HOMER1: variants seen among roughly 807,000 people sequenced by gnomAD.
HOMER1 encodes the protein homer protein homolog 1.
In HOMER1, 3 loss-of-function variants were observed where a neutral mutation model predicts 48.9. The observed-to-expected ratio is 0.06, with a 90% CI of 0.03 to 0.16. The LOEUF (loss-of-function observed/expected upper bound fraction) is 0.16. HOMER1 is among the 10% of genes least tolerant of loss of function. The pLI, the probability that HOMER1 is intolerant of heterozygous loss-of-function variation, is 1.00. For missense variants in HOMER1, 247 were observed against 411.4 expected, an observed-to-expected ratio of 0.60 and a Z score of 3.46; for synonymous variants, 134 against 146.4, an observed-to-expected ratio of 0.92 and a Z score of 0.61.
intron 5 of HOMER1, among the ~76,000 whole-genome samples, chr5:79,417,350 G>T (rs1002027612): frequency 1.3e-5 from 2 of 152,124 alleles, no homozygotes; most frequent in South Asian, 4.1e-4. Flanking sequence ...CACCGTGTTA[G>T]CCAGGATGGT....
At chr5:79,404,780 T>A (rs1749620226) in intron 5 of HOMER1, among the ~76,000 whole-genome samples, 1 of 152,132 alleles carries the variant, frequency 6.6e-6, no homozygotes, top group Admixed American at 6.5e-5. Context: ...TCTCAGCTCA[T>A]GCAACCTCCG....
chr5:79,380,995 C>T (rs1268500538), intron 8 of HOMER1, among the ~76,000 whole-genome samples: 1 of 152,198 alleles, frequency 6.6e-6, no homozygotes, highest in Non-Finnish European at 1.5e-5. Flanking sequence ...AACCCACCCA[C>T]CCTTGCACTG....
chr5:79,495,135 A>T (rs141130784), intron 1 of HOMER1, among the ~76,000 whole-genome samples: 2 of 152,356 alleles, frequency 1.3e-5, no homozygotes, highest in East Asian at 3.9e-4. Flanking sequence ...GATGTTCAAA[A>T]TCTTTGATAT....
chr5:79,485,813 A>G (rs1226516005), intron 1 of HOMER1, among the ~76,000 whole-genome samples: 1 of 152,204 alleles, frequency 6.6e-6, no homozygotes, highest in African/African-American at 2.4e-5. Flanking sequence ...GGCAAAGTAC[A>G]TTCCCCAAAG....
At chr5:79,448,244 C>G (rs1203473577) in intron 3 of HOMER1, among the ~76,000 whole-genome samples, 1 of 152,116 alleles carries the variant, frequency 6.6e-6, no homozygotes, top group Non-Finnish European at 1.5e-5. Flanking sequence ...TACGAAGCTA[C>G]AAGGGTCTCA....
chr5:79,503,742 A>G (rs1283804377), intron 1 of HOMER1, among the ~76,000 whole-genome samples: 3 of 150,828 alleles, frequency 2.0e-5, no homozygotes, highest in Non-Finnish European at 3.0e-5. Flanking sequence ...AAAAAAAAAG[A>G]AAGAAGAAAA....
chr5:79,490,871 C>T (rs1271092069), intron 1 of HOMER1, among the ~76,000 whole-genome samples: 1 of 151,206 alleles, frequency 6.6e-6, no homozygotes, highest in Non-Finnish European at 1.5e-5. Context: ...AGAAGAATCC[C>T]TTGAGCCCAG....
chr5:79,457,761 T>C (rs1751212569), intron 1 of HOMER1, among the ~76,000 whole-genome samples: 1 of 152,186 alleles, frequency 6.6e-6, no homozygotes, highest in African/African-American at 2.4e-5. Context: ...ACACAGTATT[T>C]TTCCCTAAGA....
At chr5:79,505,936 C>G (rs1042330379) in intron 1 of HOMER1, among the ~76,000 whole-genome samples, 1 of 152,006 alleles carries the variant, frequency 6.6e-6, no homozygotes, top group Non-Finnish European at 1.5e-5. Context: ...ACGCAAGAGC[C>G]ATACTGGCTT....
At chr5:79,438,986 A>G in intron 5 of HOMER1, 24 bp downstream of exon 5, 4 of 1,605,468 alleles carry the variant, frequency 2.5e-6, no homozygotes, top group South Asian at 1.1e-5. Context: ...TTACTTAATC[A>G]TAATTGCTGA....
intron 1 of HOMER1, among the ~76,000 whole-genome samples, chr5:79,509,151 A>G (rs763706401): frequency 9.8e-5 from 15 of 152,332 alleles, no homozygotes; most frequent in Middle Eastern, 3.4e-3. Context: ...TTTGGGCTGC[A>G]ATGTAGCAGC....
intron 6 of HOMER1, among the ~76,000 whole-genome samples, chr5:79,399,336 G>C (rs1749475095): frequency 6.6e-6 from 1 of 152,198 alleles, no homozygotes; most frequent in South Asian, 2.1e-4. Context: ...AGAAGCCTGA[G>C]AATTTTAGGA....
In HOMER1 at chr5:79,432,842, G is replaced by GC. The variant is rs1750461589; in HGVS notation, c.527+6167_527+6168insG. On this transcript the variant is annotated intron_variant, in intron 5 of 8. Transcript: ENST00000334082. The stretch of plus-strand genomic sequence containing the variant: ...TAAAATACTATTGTTCACAATTATA[G>GC]TAAAAAAATTCTGACATCTCTAAAT... 3.6e-5 allele frequency among the ~76,000 whole-genome samples: 5 copies of GC among 139,520 alleles called. No homozygotes were observed. In the East Asian group the frequency reaches 5.9e-4, roughly 16 times the overall value. The allele number at this position is 139,520 out of a possible 152,430, so 91.5% of individuals were successfully genotyped here.
At chr5:79,456,831 A>T in intron 2 of HOMER1, 31 bp downstream of exon 2, 1 of 1,597,310 alleles carries the variant, frequency 6.3e-7, no homozygotes, top group South Asian at 1.1e-5. Context: ...AAGCAAAACC[A>T]GCCAAATCAT....
At position 79,374,304 on chromosome 5, in the gene HOMER1, A is replaced by T. The variant is rs190688357; in HGVS notation, c.*1705T>A. The T allele has an allele frequency of 1.5e-4, 23 of 152,568 alleles. No homozygotes were observed. The highest frequency in any genetic ancestry group is 1.4e-3 in the Admixed American group (22 of 15,290). 9.5% of individuals were successfully genotyped at this position (152,568 alleles called of 1,614,324 possible). ...GAGGTAACGTACATGATGTTACAGC[A>T]CATATAATACATGATTGTTATAAAT... is the stretch of plus-strand genomic sequence containing the variant. On this transcript the variant is annotated 3_prime_UTR_variant, in exon 9 of 9. Coordinates refer to ENST00000334082, the MANE Select transcript of HOMER1 (RefSeq NM_004272.5).
At chr5:79,476,899 G>C (rs546933311) in intron 1 of HOMER1, among the ~76,000 whole-genome samples, 1 of 152,158 alleles carries the variant, frequency 6.6e-6, no homozygotes, top group Admixed American at 6.5e-5. Context: ...ACCCAACGAG[G>C]CCTGTCTCTT....
At position 79,512,758 on chromosome 5, in the gene HOMER1, A is replaced by C; in HGVS notation, c.5+12T>G. The C allele has an allele frequency of 1.2e-5, 20 of 1,613,050 alleles. No individual in the cohort carries two copies. The highest frequency in any genetic ancestry group is 1.6e-5 in the Non-Finnish European group (19 of 1,179,116). The stretch of plus-strand genomic sequence containing the variant: ...ACAGATTCGAAGCTGTGTTAAGCAC[A>C]AAAATCCTTACCCCATTTTGCCCAA... On this transcript the variant is annotated intron_variant, in intron 1 of 8. Coordinates refer to ENST00000334082, the MANE Select transcript of HOMER1 (RefSeq NM_004272.5).
intron 1 of HOMER1, among the ~76,000 whole-genome samples, chr5:79,472,661 C>G (rs1751655053): frequency 6.6e-6 from 1 of 151,916 alleles, no homozygotes; most frequent in South Asian, 2.1e-4. Flanking sequence ...ATGCCTATGT[C>G]CCAGCTACTC....
chr5:79,463,187 A>G (rs1380203490), intron 1 of HOMER1, among the ~76,000 whole-genome samples: 3 of 152,118 alleles, frequency 2.0e-5, no homozygotes, highest in Non-Finnish European at 4.4e-5. Flanking sequence ...CAGATACTCT[A>G]CCCTCTTCCA....
Sources: allele counts gnomAD v4.1 joint callset (sites outside exome capture counted in the v4.1 genomes callset), GRCh38; gene constraint gnomAD v4.1.1; transcripts MANE v1.5; gene names NCBI Gene and HGNC (gene_info 2026-07-23, HGNC 2026-07-21).